Variants in ASPDH observed in about 807,000 individuals in gnomAD.
The protein encoded by ASPDH is aspartate dehydrogenase domain-containing protein.
Under a neutral mutation model 30.5 loss-of-function variants are expected in ASPDH, and 25 were observed. The observed-to-expected ratio is 0.82, with a 90% confidence interval of 0.60 to 1.14. The LOEUF (loss-of-function observed/expected upper bound fraction) is 1.14. ASPDH is among the 50% of genes most tolerant of loss of function. ASPDH has a pLI of 0.00. For missense variants in ASPDH, 401 were observed against 381.5 expected, an observed-to-expected ratio of 1.05 and a Z score of -0.43; for synonymous variants, 168 against 156.3, an observed-to-expected ratio of 1.07 and a Z score of -0.56.
Position 50,513,326 on chromosome 19 carries a change from G to A in ASPDH, c.143C>T (p.Ala48Val). ...FVWNRDPGRM[A>V]GSVPPSLQLQ... ...CTGCAGGGAAGGGGGCACGCTCCCTGCCATTCGTCCTGGGTCACGATTCCA... is the reference window on the plus strand; with the variant it reads ...CTGCAGGGAAGGGGGCACGCTCCCTACCATTCGTCCTGGGTCACGATTCCA... Residue 48 changes from alanine (A) to valine (V), a missense_variant, in exon 2 of 7, where the codon GCA (alanine) becomes GTA (valine). Coordinates refer to ENST00000389208, the MANE Select transcript of ASPDH (RefSeq NM_001114598.2). This position sits in a 1 kb window ranked among gnomAD's most constrained non-coding sequence, Gnocchi z 4.9. 1.3e-6 allele frequency: 2 copies of A among 1,538,162 alleles called. No individual in the cohort carries two copies. The highest frequency in any genetic ancestry group is 1.8e-6 in the Non-Finnish European group (2 of 1,141,100).
chr19:50,511,991 G>T, intron 6 of ASPDH, 145 bp downstream of exon 6: 1 of 748,274 alleles, frequency 1.3e-6, no homozygotes, highest in South Asian at 1.9e-5. Flanking sequence ...TCAAAGTCAT[G>T]GAGAGAGGTT....
Position 50,513,160 on chromosome 19 carries a change from G to C in ASPDH, c.197+112C>G, listed in dbSNP as rs1980067176. The C allele has an allele frequency of 7.8e-7, 1 of 1,285,314 alleles. No homozygotes were observed. Among genetic ancestry groups the C allele is most frequent in the Non-Finnish European group, 1.1e-6 (1 of 946,556 alleles). The allele number at this position is 1,285,314 out of a possible 1,614,324, so 79.6% of individuals were successfully genotyped here. A position where few individuals can be genotyped will look rare whatever the true frequency, so the allele number is the denominator to read the frequency against. ...AATGGGTTCGTCCTGTTTCACATTT[G>C]CTTGAACCAAGGCCCAGAGAGGGTC... On this transcript the variant is annotated intron_variant, in intron 2 of 6. Transcript: ENST00000389208. This position sits in a 1 kb window ranked among gnomAD's most constrained non-coding sequence, Gnocchi z 4.9.
chr19:50,513,288 C>CA lies in ASPDH; in HGVS notation c.180dup (p.Ala61CysfsTer9). The CA allele has an allele frequency of 6.7e-7, 1 of 1,492,234 alleles. No individual in the cohort carries two copies. Among genetic ancestry groups the CA allele is most frequent in the Non-Finnish European group, 8.9e-7 (1 of 1,120,910 alleles). The allele number at this position is 1,492,234 out of a possible 1,614,324, so 92.4% of individuals were successfully genotyped here. A position where few individuals can be genotyped will look rare whatever the true frequency, so the allele number is the denominator to read the frequency against. ...GTCACTGACCTTTCCCCAAGGGCAG[C>CA]AAGGTTCTGGAGCTGCAGGGAAGGG... On this transcript the variant is annotated frameshift_variant, in exon 2 of 7. Coordinates refer to ENST00000389208, the MANE Select transcript of ASPDH (RefSeq NM_001114598.2). LOFTEE classifies it high-confidence loss of function. This position sits in a 1 kb window ranked among gnomAD's most constrained non-coding sequence, Gnocchi z 4.9.
Position 50,513,830 on chromosome 19 carries a change from G to C in ASPDH, c.-7C>G. ...ACGGGCCCCTGTCGGCCATGGCCCT[G>C]AGTGCGGTGTCTGGGGCCTGGCTCC... On this transcript the variant is annotated 5_prime_UTR_variant, in exon 1 of 7. Transcript: ENST00000389208. The surrounding 1 kb of genome is among the most constrained non-coding windows in gnomAD (Gnocchi z 4.9). The C allele has an allele frequency of 1.3e-6, 2 of 1,550,036 alleles. No individual in the cohort carries two copies. Among genetic ancestry groups the C allele is most frequent in the Non-Finnish European group, 1.7e-6 (2 of 1,146,610 alleles).
chr19:50,513,928 T>G (rs377732407), upstream of ASPDH: 1 of 1,370,358 alleles, frequency 7.3e-7, no homozygotes, highest in Non-Finnish European at 9.8e-7. This position sits in a 1 kb window ranked among gnomAD's most constrained non-coding sequence, Gnocchi z 4.9. Context: ...CTTGAGCCTC[T>G]GGGCTCAGTC....
At position 50,512,927 on chromosome 19, in the gene ASPDH, C is replaced by T. The variant is rs943486610; in HGVS notation, c.282G>A (p.Leu94=). 1 of 1,612,552 alleles carries T rather than the reference C, an allele frequency of 6.2e-7. No individual in the cohort carries two copies. Among genetic ancestry groups the T allele is most frequent in the Non-Finnish European group, 8.5e-7 (1 of 1,179,256 alleles). ...GAQILRHANL[L]VGSPSALSDQ... ...CGTAAATGGTTGGGGTGGGGCTTAC[C>T]AGGAGATTGGCATGGCGCAGGATTT... is the stretch of plus-strand genomic sequence containing the variant. Residue 94 remains leucine (L), a splice_region_variant and synonymous_variant, in exon 3 of 7, where the codon CTG becomes CTA. Transcript: ENST00000389208.
rs1366814718 is a variant in ASPDH, at chr19:50,512,128, G to T, written c.808+8C>A. ...GCCCAGGGCCGGGGGAGAGGGGCCT[G>T]GCCGCACCCAGGAGGCTCTGCCAGA... On this transcript the variant is annotated splice_region_variant and intron_variant, in intron 6 of 6. Coordinates refer to ENST00000389208, the MANE Select transcript of ASPDH (RefSeq NM_001114598.2). The T allele has an allele frequency of 6.5e-7, 1 of 1,538,252 alleles. No homozygotes were observed. Among genetic ancestry groups the T allele is most frequent in the Non-Finnish European group, 8.7e-7 (1 of 1,148,750 alleles).
Position 50,513,083 on chromosome 19 carries a change from G to A in ASPDH, c.198-72C>T, listed in dbSNP as rs1426578109. ...CTCTTCTCCCCAAGGTTCCCTCCGA[G>A]TCTACTGAGGGCTGCCCTTCTTCTC... On this transcript the variant is annotated intron_variant, in intron 2 of 6. Transcript: ENST00000389208. The surrounding 1 kb of genome is among the most constrained non-coding windows in gnomAD (Gnocchi z 4.9). 7.3e-7 allele frequency: 1 copy of A among 1,366,026 alleles called. No individual in the cohort carries two copies. Among genetic ancestry groups the A allele is most frequent in the Admixed American group, 2.1e-5 (1 of 48,640 alleles). The allele number at this position is 1,366,026 out of a possible 1,614,324, so 84.6% of individuals were successfully genotyped here.
chr19:50,514,512 T>C (rs771031923), upstream of ASPDH: 1 of 1,614,110 alleles, frequency 6.2e-7, no homozygotes, highest in Non-Finnish European at 8.5e-7. Context: ...TCCCCCATCG[T>C]GCCACCAGCT....
upstream of ASPDH, chr19:50,514,396 C>A (rs1980137789): frequency 6.3e-7 from 1 of 1,593,624 alleles, no homozygotes; most frequent in Non-Finnish European, 8.6e-7. Context: ...CTCCCTAGCC[C>A]CGCTGCGCAG....
rs892671467 is a variant in ASPDH at position 50,512,494 on chromosome 19, A to T, written c.519T>A (p.Thr173=). Residue 173 remains threonine (T), a synonymous_variant, in exon 5 of 7, where the codon ACT becomes ACA. Transcript: ENST00000389208. ...LAAAHSPGPC[T]VLYEGPVRGL... is the part of the protein sequence containing the mutation. The stretch of plus-strand genomic sequence containing the variant: ...CACGGACAGGGCCTTCGTAGAGCAC[A>T]GTGCAAGGCCCAGGGCTGTGGGCTG... 1.9e-6 allele frequency: 3 copies of T among 1,570,686 alleles called. No homozygotes were observed. The highest frequency in any genetic ancestry group is 3.6e-5 in the Admixed American group (2 of 55,244).
In ASPDH at chr19:50,512,710, A is replaced by G. The variant is rs969895173; in HGVS notation, c.383T>C (p.Leu128Pro). ...TCTCCTGATGTCCTCAGCGCCCCAC[A>G]GGGCCCCTCGGGCCACAAACACGGC... ...DHAVFVARGA[L>P]WGAEDIRRLD... Residue 128 changes from leucine (L) to proline (P), a missense_variant, in exon 4 of 7, where the codon CTG (leucine) becomes CCG (proline). By Grantham distance (98) the Leu-to-Pro change is moderately conservative (BLOSUM62 -3). Transcript: ENST00000389208. 2 of 1,551,658 alleles carry G rather than the reference A, an allele frequency of 1.3e-6. No individual in the cohort carries two copies. The highest frequency in any genetic ancestry group is 2.0e-5 in the Admixed American group (1 of 50,990).
At chr19:50,511,920 A>G (rs1979918204) in intron 6 of ASPDH, 147 bp from the exon 7 acceptor site, 2 of 478,734 alleles carry the variant, frequency 4.2e-6, no homozygotes, top group African/African-American at 3.0e-5. Flanking sequence ...GGGGGTGGAC[A>G]GAGACAGAGA....
chr19:50,512,525 A>C lies in ASPDH; in HGVS notation c.488T>G (p.Leu163Arg). 6.5e-7 allele frequency: 1 copy of C among 1,536,834 alleles called. No homozygotes were observed. Among genetic ancestry groups the C allele is most frequent in the Non-Finnish European group, 8.7e-7 (1 of 1,145,110 alleles). Residue 163 changes from leucine to arginine, a missense_variant, in exon 5 of 7, where the codon CTG becomes CGG. Leu to Arg is a moderately radical substitution (Grantham distance 102, BLOSUM62 -2). Coordinates refer to ENST00000389208, the MANE Select transcript of ASPDH (RefSeq NM_001114598.2). ...AGGCCCAGGGCTGTGGGCTGCAGCC[A>C]GGGGTCCCTCAAGCCGGAAGCCATC... ...HPDGFRLEGP[L>R]AAAHSPGPCT... is the part of the protein sequence containing the mutation.
chr19:50,514,792 C>T (rs908319818), upstream of ASPDH: 31 of 422,786 alleles, frequency 7.3e-5, 2 homozygotes, highest in South Asian at 5.1e-4. Context: ...AGAGCGTGAA[C>T]GGGAGCATGG....
Position 50,511,751 on chromosome 19 carries a change from C to A in ASPDH, c.831G>T (p.Arg277Ser). The change falls in exon 7 of 7, where the codon AGG becomes AGT. Residue 277 changes from arginine to serine, a missense_variant. Coordinates refer to ENST00000389208, the MANE Select transcript of ASPDH (RefSeq NM_001114598.2). Reference sequence around the variant, plus strand: ...CTTCTCAGCAGAGATGGATCCCCGGCCTGGAGGGGAGCTGGCAGCAGGCTG... The same window carrying A: ...CTTCTCAGCAGAGATGGATCCCCGGACTGGAGGGGAGCTGGCAGCAGGCTG... ...SLLACCQLPS[R>S]PGIHLC is the part of the protein sequence containing the mutation. 7.6e-7 allele frequency: 1 copy of A among 1,312,784 alleles called. No homozygotes were observed. 81.3% of individuals were successfully genotyped at this position (1,312,784 alleles called of 1,614,324 possible). A position where few individuals can be genotyped will look rare whatever the true frequency, so the allele number is the denominator to read the frequency against.
chr19:50,513,370 G>C lies in ASPDH; in HGVS notation c.99C>G (p.Gly33=). ...SRLLAQGPEL[G]LELVFVWNRD... ...GATTCCAGACAAAAACAAGTTCTAG[G>C]CCAAGTTCTGGTCCCTGAGCCAAGA... is the stretch of plus-strand genomic sequence containing the variant. The change falls in exon 2 of 7, where the codon GGC becomes GGG. Residue 33 remains glycine (G), a synonymous_variant. Transcript: ENST00000389208. This position sits in a 1 kb window ranked among gnomAD's most constrained non-coding sequence, Gnocchi z 4.9. 6.5e-7 allele frequency: 1 copy of C among 1,540,462 alleles called. No individual in the cohort carries two copies.
At position 50,512,963 on chromosome 19, in the gene ASPDH, T is replaced by C. The variant is rs758153535; in HGVS notation, c.246A>G (p.Glu82=). The C allele has an allele frequency of 6.2e-7, 1 of 1,613,588 alleles. No homozygotes were observed. The highest frequency in any genetic ancestry group is 1.1e-5 in the South Asian group (1 of 91,008). Residue 82 remains glutamate, a synonymous_variant, in exon 3 of 7, where the codon GAA becomes GAG. Transcript: ENST00000389208. ...CATGGCGCAGGATTTGTGCCCCAGATTCATGGATTATTTTGGGATGGGCCA... is the reference window on the plus strand; with the variant it reads ...CATGGCGCAGGATTTGTGCCCCAGACTCATGGATTATTTTGGGATGGGCCA... The part of the protein sequence containing the change: ...VEVAHPKIIH[E]SGAQILRHAN...
At chr19:50,515,035 TG>T (rs1409309411), upstream of ASPDH, 6 of 984,972 alleles carry the variant, frequency 6.1e-6, no homozygotes, top group Non-Finnish European at 7.2e-6. Flanking sequence ...CTCACGGAAG[TG>T]GGGGGCCTCC....
Sources: gnomAD v4.1 joint callset for allele counts on GRCh38, gnomAD v4.1.1 for gene constraint, Gnocchi (gnomAD v3.1) non-coding constraint, MANE v1.5 for transcripts, NCBI Gene and HGNC (gene_info 2026-07-23, HGNC 2026-07-21) for gene names.